LOC128125822: variants seen among roughly 807,000 people sequenced by gnomAD.
the LOC128125822 span, chr6:63,583,111 A>G: frequency 6.6e-6 from 1 of 152,224 alleles, no homozygotes; most frequent in Non-Finnish European, 1.5e-5. Context: ...ACCCGTTGCC[A>G]TGATTAAGAG....
chr6:63,578,948 C>G, the LOC128125822 span: 1 of 1,604,086 alleles, frequency 6.2e-7, no homozygotes, highest in Non-Finnish European at 8.5e-7. Flanking sequence ...TTGTTGATGA[C>G]TGGTTAAGTC....
At chr6:63,579,780 A>G in the LOC128125822 span, among the ~76,000 whole-genome samples, 1 of 152,200 alleles carries the variant, frequency 6.6e-6, no homozygotes, top group Non-Finnish European at 1.5e-5. Context: ...TGACTTCACT[A>G]TAAATTAGTT....
chr6:63,582,187 G>GT, the LOC128125822 span: 1 of 151,364 alleles, frequency 6.6e-6, no homozygotes, highest in South Asian at 2.1e-4. Flanking sequence ...TTAACCTGAG[G>GT]TTTTGTTTTT....
At chr6:63,583,546 T>C in the LOC128125822 span, 1 of 152,206 alleles carries the variant, frequency 6.6e-6, no homozygotes, top group South Asian at 2.1e-4. Context: ...TAATTATATA[T>C]ATTGCCGCAG....
At chr6:63,574,019 C>T in the LOC128125822 span, among the ~76,000 whole-genome samples, 30 of 152,238 alleles carry the variant, frequency 2.0e-4, no homozygotes, top group Non-Finnish European at 3.2e-4. Flanking sequence ...CGCGGAGCCC[C>T]CTACCAGTCC....
At chr6:63,574,627 T>G in the LOC128125822 span, among the ~76,000 whole-genome samples, 1 of 152,200 alleles carries the variant, frequency 6.6e-6, no homozygotes, top group African/African-American at 2.4e-5. Context: ...GACAGGAGTT[T>G]TAGCTATTAA....
the LOC128125822 span, chr6:63,579,912 G>A: frequency 1.5e-6 from 1 of 653,092 alleles, no homozygotes; most frequent in Non-Finnish European, 2.7e-6. Context: ...TGATGTGCCT[G>A]TTCATATTCC....
the LOC128125822 span, chr6:63,580,922 GC>G: frequency 1.3e-5 from 2 of 152,492 alleles, no homozygotes; most frequent in African/African-American, 4.8e-5. Context: ...AACAGGGAGG[GC>G]CTGAGAAAAG....
chr6:63,572,969 G>C, the LOC128125822 span, among the ~76,000 whole-genome samples: 39 of 152,120 alleles, frequency 2.6e-4, no homozygotes, highest in Non-Finnish European at 5.0e-4. Context: ...ACCGGCTTTT[G>C]AGTCCCTCCC....
the LOC128125822 span, among the ~76,000 whole-genome samples, chr6:63,575,083 A>G: frequency 6.6e-6 from 1 of 152,246 alleles, no homozygotes; most frequent in Non-Finnish European, 1.5e-5. Flanking sequence ...TAATCATCAT[A>G]AGAATTATTC....
At chr6:63,576,973 C>T in the LOC128125822 span, 1 of 1,610,172 alleles carries the variant, frequency 6.2e-7, no homozygotes, top group East Asian at 2.2e-5. Context: ...CGACCTTAAA[C>T]AAATTTATAG....
chr6:63,576,021 AGT>A, the LOC128125822 span, among the ~76,000 whole-genome samples: 1 of 151,592 alleles, frequency 6.6e-6, no homozygotes, highest in Non-Finnish European at 1.5e-5. Flanking sequence ...ATCAACATAA[AGT>A]GTATGTAATT....
At chr6:63,580,770 G>A in the LOC128125822 span, 4 of 147,226 alleles carry the variant, frequency 2.7e-5, no homozygotes, top group Middle Eastern at 3.4e-3. Context: ...ATTATTTTAC[G>A]TGTTTCCATG....
At chr6:63,579,290 A>C in the LOC128125822 span, 1 of 1,611,478 alleles carries the variant, frequency 6.2e-7, no homozygotes, top group Non-Finnish European at 8.5e-7. Context: ...CATTAATTGA[A>C]GGTGGAATGA....
the LOC128125822 span, chr6:63,578,766 A>G: frequency 8.8e-7 from 1 of 1,139,322 alleles, no homozygotes; most frequent in East Asian, 2.8e-5. Context: ...GGTAGACAAC[A>G]GGGTTTAATA....
chr6:63,582,071 A>G, the LOC128125822 span: 1 of 152,112 alleles, frequency 6.6e-6, no homozygotes, highest in Non-Finnish European at 1.5e-5. Context: ...AATATATTTC[A>G]TTGGATTTTA....
At chr6:63,572,518 G>A in the LOC128125822 span, 2 of 391,498 alleles carry the variant, frequency 5.1e-6, no homozygotes, top group Non-Finnish European at 9.0e-6. Context: ...CTGCGGGCCG[G>A]CTCGGCTACG....
chr6:63,578,648 ATAT>A, the LOC128125822 span: 238 of 1,358,050 alleles, frequency 1.8e-4, no homozygotes, highest in Non-Finnish European at 1.8e-4. Context: ...CTAAAAACAA[ATAT>A]TATATTATTG....
chr6:63,572,795 T>C, the LOC128125822 span: 1 of 397,684 alleles, frequency 2.5e-6, no homozygotes, highest in East Asian at 3.6e-5. Flanking sequence ...TCGCCTTTGT[T>C]CGGAGCCCGG....
Sources: gnomAD v4.1 joint callset for allele counts (sites outside exome capture counted in the v4.1 genomes callset) on GRCh38, gnomAD v4.1.1 for gene constraint, MANE v1.5 for transcripts.